COL5A2: variants seen among roughly 807,000 people sequenced by gnomAD.
The protein encoded by COL5A2 is collagen type V alpha 2 chain, also known as collagen alpha-2(V) chain.
A neutral mutation model predicts 208.2 loss-of-function variants in COL5A2; 23 were observed. The observed-to-expected ratio is 0.11, with a 90% CI of 0.08 to 0.16. The LOEUF (loss-of-function observed/expected upper bound fraction) is 0.16. Among genes scored for constraint, COL5A2 ranks in the 10% least tolerant of loss-of-function variants. The probability of loss-of-function intolerance (pLI) is 1.00; values close to 1 mark genes in which losing one functional copy is unlikely to be tolerated. For synonymous variants in COL5A2, 625 were observed against 628.5 expected (o/e 0.99, Z 0.08); for missense variants, 1,590 against 1,956.4 (o/e 0.81, Z 3.53).
rs1685945924 is a variant in COL5A2 at position 189,058,350 on chromosome 2, T to C, written c.2229+79A>G. Reference sequence around the variant, plus strand: ...AATTATCTTTCAAAAACAAGACAAATGCATTCTCACACCATCATGCGTTTA... The same window carrying C: ...AATTATCTTTCAAAAACAAGACAAACGCATTCTCACACCATCATGCGTTTA... On this transcript the variant is annotated intron_variant, in intron 33 of 53. Transcript: ENST00000374866. 1.0e-5 allele frequency: 11 copies of C among 1,087,940 alleles called. No individual in the cohort carries two copies. The South Asian group carries it at 1.4e-4, about 14-fold the overall frequency. 67.4% of individuals were successfully genotyped at this position (1,087,940 alleles called of 1,614,324 possible). A position where few individuals can be genotyped will look rare whatever the true frequency, so the allele number is the denominator to read the frequency against.
intron 26 of COL5A2, 98 bp downstream of exon 26, chr2:189,063,882 T>C (rs995007955): frequency 1.1e-5 from 10 of 914,576 alleles, no homozygotes; most frequent in African/African-American, 1.7e-5. Flanking sequence ...ATGACCAGCA[T>C]CCATATAATC....
At chr2:189,109,304 T>A (rs555083667) in intron 2 of COL5A2, among the ~76,000 whole-genome samples, 1 of 152,160 alleles carries the variant, frequency 6.6e-6, no homozygotes, top group East Asian at 1.9e-4. Context: ...CTTTCTTTTA[T>A]ATATTTCTTA....
intron 18 of COL5A2, among the ~76,000 whole-genome samples, chr2:189,071,659 C>T (rs1686277371): frequency 6.6e-6 from 1 of 152,070 alleles, no homozygotes; most frequent in African/African-American, 2.4e-5. Context: ...AACCTCCTAA[C>T]CTCCTATTGT....
the COL5A2 span, among the ~76,000 whole-genome samples, chr2:189,376,516 T>C: frequency 6.6e-6 from 1 of 151,870 alleles, no homozygotes; most frequent in Non-Finnish European, 1.5e-5. Flanking sequence ...AATTGCTAAT[T>C]ATTGTAGCAT....
At chr2:189,298,794 G>A in the COL5A2 span, among the ~76,000 whole-genome samples, 1 of 152,252 alleles carries the variant, frequency 6.6e-6, no homozygotes, top group Non-Finnish European at 1.5e-5. Flanking sequence ...CTAAGGAGGA[G>A]TAAGGGATAT....
the COL5A2 span, among the ~76,000 whole-genome samples, chr2:189,420,157 T>C: frequency 5.9e-5 from 9 of 152,254 alleles, no homozygotes; most frequent in East Asian, 1.4e-3. Flanking sequence ...TTAGAAATTC[T>C]CACTTTGGCT....
intron 46 of COL5A2, 115 bp downstream of exon 46, chr2:189,045,685 T>C (rs1685651020): frequency 4.8e-6 from 4 of 831,350 alleles, no homozygotes; most frequent in Non-Finnish European, 8.3e-6. Flanking sequence ...CCATTCATTA[T>C]TTAGAGTCCT....
At chr2:189,333,175 C>A in the COL5A2 span, among the ~76,000 whole-genome samples, 1 of 151,878 alleles carries the variant, frequency 6.6e-6, no homozygotes. Context: ...AAATTAGAAC[C>A]AAAGAAAGTA....
At chr2:189,197,334 G>C (rs945785047) in intron 1 of COL5A2, among the ~76,000 whole-genome samples, 1 of 152,154 alleles carries the variant, frequency 6.6e-6, no homozygotes, top group African/African-American at 2.4e-5. Flanking sequence ...GCTAATGCAT[G>C]TGGGGCTTAA....
chr2:189,235,623 G>C, the COL5A2 span, among the ~76,000 whole-genome samples: 173 of 151,818 alleles, frequency 1.1e-3, no homozygotes, highest in African/African-American at 3.9e-3. Context: ...CCATATTGTT[G>C]CATATGTTTT....
chr2:189,104,440 C>G (rs183867872), intron 2 of COL5A2, among the ~76,000 whole-genome samples, 163 bp from the exon 3 acceptor site: 10 of 151,958 alleles, frequency 6.6e-5, no homozygotes, highest in Middle Eastern at 3.4e-3. Flanking sequence ...TGGATCAATA[C>G]TTCCATAAAA....
chr2:189,266,645 G>A, the COL5A2 span, among the ~76,000 whole-genome samples: 6 of 152,044 alleles, frequency 3.9e-5, no homozygotes, highest in South Asian at 2.1e-4. Context: ...ACTGCTCATG[G>A]GAATAGGGTG....
chr2:189,195,181 C>T (rs919079836), intron 1 of COL5A2, among the ~76,000 whole-genome samples: 2 of 152,150 alleles, frequency 1.3e-5, no homozygotes, highest in Admixed American at 6.5e-5. Flanking sequence ...CAACAATAGA[C>T]AAGCAGCCAA....
chr2:189,180,005 A>C (rs897851123), upstream of COL5A2: 6 of 399,550 alleles, frequency 1.5e-5, no homozygotes, highest in Non-Finnish European at 2.7e-5. Context: ...CTTTTCTTTT[A>C]TTTTTTAAGA....
chr2:189,098,713 GA>G lies in COL5A2; in HGVS notation c.402+13del. The G allele has an allele frequency of 6.2e-7, 1 of 1,604,468 alleles. No individual in the cohort carries two copies. Among genetic ancestry groups the G allele is most frequent in the Non-Finnish European group, 8.5e-7 (1 of 1,171,438 alleles). Reference sequence around the variant, plus strand: ...AATACAAGAGTACCAAGAATATTGGGAGAAACTACTTACTGCCGGTCCTGGA... The same window carrying G: ...AATACAAGAGTACCAAGAATATTGGGGAAACTACTTACTGCCGGTCCTGGA... On this transcript the variant is annotated intron_variant, in intron 5 of 53. Coordinates refer to ENST00000374866, the MANE Select transcript of COL5A2 (RefSeq NM_000393.5).
the COL5A2 span, among the ~76,000 whole-genome samples, chr2:189,359,373 A>G: frequency 2.0e-5 from 3 of 152,120 alleles, no homozygotes; most frequent in Non-Finnish European, 2.9e-5. Flanking sequence ...GGTGTATCAC[A>G]TTTATTGATA....
the COL5A2 span, among the ~76,000 whole-genome samples, chr2:189,256,919 C>T: frequency 2.0e-5 from 3 of 152,196 alleles, no homozygotes; most frequent in African/African-American, 4.8e-5. Context: ...TAAGCCACCG[C>T]GCCCAGCCAC....
At chr2:189,409,231 G>C in the COL5A2 span, among the ~76,000 whole-genome samples, 1 of 94,602 alleles carries the variant, frequency 1.1e-5, no homozygotes, top group East Asian at 3.0e-4. Context: ...TTTTTTTAGA[G>C]ATAGGATCTG....
chr2:189,404,231 C>A, the COL5A2 span, among the ~76,000 whole-genome samples: 1 of 152,124 alleles, frequency 6.6e-6, no homozygotes, highest in Non-Finnish European at 1.5e-5. Flanking sequence ...AAGAGATTAG[C>A]ATTTGAATCA....
Sources: allele counts gnomAD v4.1 joint callset (sites outside exome capture counted in the v4.1 genomes callset), GRCh38; gene constraint gnomAD v4.1.1; transcripts MANE v1.5; gene names NCBI Gene and HGNC (gene_info 2026-07-23, HGNC 2026-07-21).